Variants in COBLL1 observed in about 807,000 individuals in gnomAD.
COBLL1 encodes cordon-bleu protein-like 1.
Under a neutral mutation model 94.8 loss-of-function variants are expected in COBLL1, and 50 were observed. The ratio of observed to expected loss-of-function variants is 0.53; its 90% CI spans 0.42 to 0.67. The LOEUF (loss-of-function observed/expected upper bound fraction) is 0.67. COBLL1 is among the 30% of genes least tolerant of loss of function. The pLI, the probability that COBLL1 is intolerant of heterozygous loss-of-function variation, is 0.00. For synonymous variants in COBLL1, 448 were observed against 473.8 expected, an observed-to-expected ratio of 0.95 and a Z score of 0.71; for missense variants, 1,362 against 1,348.7, an observed-to-expected ratio of 1.01 and a Z score of -0.15.
At chr2:164,704,661 C>T (rs1396486863) in intron 8 of COBLL1, 143 bp from the exon 9 acceptor site, 2 of 693,272 alleles carry the variant, frequency 2.9e-6, no homozygotes, top group African/African-American at 1.8e-5. Context: ...ACACTAAAAT[C>T]CACTTAGACT....
At chr2:164,788,969 T>C (rs1683022702) in intron 2 of COBLL1, among the ~76,000 whole-genome samples, 1 of 151,442 alleles carries the variant, frequency 6.6e-6, no homozygotes, top group Non-Finnish European at 1.5e-5. Context: ...TTCAGAGGTA[T>C]GGTCATTCCA....
chr2:164,705,182 G>A (rs1684520540), intron 7 of COBLL1, 77 bp from the exon 8 acceptor site: 20 of 1,158,094 alleles, frequency 1.7e-5, no homozygotes, highest in Admixed American at 6.3e-5. Context: ...TGAACTTTAC[G>A]TCAAGCACAG....
At chr2:164,708,138 G>T (rs1021748350) in intron 7 of COBLL1, among the ~76,000 whole-genome samples, 2 of 152,148 alleles carry the variant, frequency 1.3e-5, no homozygotes, top group Admixed American at 6.6e-5. Flanking sequence ...GCACCAGGGA[G>T]ATTTTACCAA....
intron 2 of COBLL1, among the ~76,000 whole-genome samples, chr2:164,789,413 GCT>G (rs376964740): frequency 1.1e-4 from 16 of 152,172 alleles, no homozygotes; most frequent in African/African-American, 3.9e-4. Context: ...GTCTTACAAG[GCT>G]GATAGAATAT....
intron 2 of COBLL1, among the ~76,000 whole-genome samples, chr2:164,769,662 C>T (rs1021067305): frequency 6.6e-6 from 1 of 152,106 alleles, no homozygotes; most frequent in Non-Finnish European, 1.5e-5. Flanking sequence ...AGTTCGAGAC[C>T]AGCCTGGGCA....
chr2:164,840,292 G>T (rs1419913996), intron 2 of COBLL1, among the ~76,000 whole-genome samples: 2 of 152,006 alleles, frequency 1.3e-5, no homozygotes, highest in Non-Finnish European at 2.9e-5. Context: ...TTATGCTGGG[G>T]GGAAAAATCT....
In COBLL1 at chr2:164,722,096, C is replaced by T; in HGVS notation, c.975G>A (p.Met325Ile). 6.2e-7 allele frequency: 1 copy of T among 1,607,318 alleles called. No homozygotes were observed. The highest frequency in any genetic ancestry group is 1.7e-5 in the Admixed American group (1 of 58,962). ...ACACCTTATCTGTCTCATCCACGCT[C>T]ATGGATTTCACTATACAAGAAGCAG... ...ERPASCIVKSMSVDETDKSPC... is the reference protein window; with the variant it reads ...ERPASCIVKSISVDETDKSPC... The change falls in exon 7 of 14, where the codon ATG becomes ATA. Residue 325 changes from methionine to isoleucine, a missense_variant. Met to Ile is a conservative substitution (Grantham distance 10, BLOSUM62 1). Coordinates refer to ENST00000652658, the MANE Select transcript of COBLL1 (RefSeq NM_001365672.2).
At position 164,728,165 on chromosome 2, in the gene COBLL1, T is replaced by C. The variant is rs1204842009; in HGVS notation, c.465A>G (p.Lys155=). The C allele has an allele frequency of 1.2e-6, 2 of 1,613,420 alleles. No individual in the cohort carries two copies. Among genetic ancestry groups the C allele is most frequent in the African/African-American group, 1.3e-5 (1 of 75,026 alleles). The change falls in exon 5 of 14, where the codon AAA becomes AAG. Residue 155 remains lysine (K), a synonymous_variant. Coordinates refer to ENST00000652658, the MANE Select transcript of COBLL1 (RefSeq NM_001365672.2). ...TCACTCTCACTATGGTCTTCTGTGT[T>C]TTCTTAAAATTAATCACTACTCTCA... The part of the protein sequence containing the change: ...KTVRVVINFK[K]TQKTIVRVSP...
intron 2 of COBLL1, among the ~76,000 whole-genome samples, chr2:164,783,271 G>C (rs1214906218): frequency 6.6e-6 from 1 of 152,104 alleles, no homozygotes; most frequent in Non-Finnish European, 1.5e-5. Flanking sequence ...AAATTAACCA[G>C]GTGTGGTGAC....
intron 2 of COBLL1, among the ~76,000 whole-genome samples, chr2:164,790,333 G>A (rs928248621): frequency 3.3e-5 from 5 of 152,052 alleles, no homozygotes; most frequent in African/African-American, 9.7e-5. Context: ...TGAGCTGTTG[G>A]GTTATGCTCT....
At chr2:164,797,529 A>G (rs1409269207) in intron 2 of COBLL1, among the ~76,000 whole-genome samples, 6 of 152,188 alleles carry the variant, frequency 3.9e-5, no homozygotes, top group Admixed American at 3.9e-4. Context: ...CATTTTAATG[A>G]AAGAGCTTAG....
chr2:164,767,164 A>G (rs548919612), intron 2 of COBLL1, among the ~76,000 whole-genome samples: 2 of 152,348 alleles, frequency 1.3e-5, no homozygotes, highest in South Asian at 4.1e-4. Flanking sequence ...TCGCTTATGC[A>G]ACAATGGGCA....
chr2:164,663,329 AT>A (rs1391960719), intron 2 of COBLL1, among the ~76,000 whole-genome samples: 1 of 152,124 alleles, frequency 6.6e-6, no homozygotes, highest in Non-Finnish European at 1.5e-5. Flanking sequence ...AAATATCTTT[AT>A]TTTTTTAAAG....
chr2:164,699,529 T>C (rs1458699747), intron 10 of COBLL1, 30 bp from the exon 11 acceptor site: 2 of 1,302,262 alleles, frequency 1.5e-6, no homozygotes, highest in Admixed American at 1.7e-5. Flanking sequence ...ATGTTATATG[T>C]TGATACTATT....
Position 164,686,002 on chromosome 2 carries a change from TCA to T in COBLL1, c.3329_3330del (p.Val1110GlufsTer13). ...RVTIPSNTIS[V>X]NGRSRLSHSM... is the part of the protein sequence containing the mutation. ...GAATGGCTGAGTCTTGACCTTCCAT[TCA>T]CAGATATTGTATTTGATGGAATGGT... On this transcript the variant is annotated frameshift_variant, in exon 14 of 14. Coordinates refer to ENST00000652658, the MANE Select transcript of COBLL1 (RefSeq NM_001365672.2). LOFTEE classifies it high-confidence loss of function. 6.2e-7 allele frequency: 1 copy of T among 1,606,158 alleles called. No individual in the cohort carries two copies. Among genetic ancestry groups the T allele is most frequent in the South Asian group, 1.1e-5 (1 of 90,524 alleles).
intron 2 of COBLL1, among the ~76,000 whole-genome samples, chr2:164,778,816 G>T (rs1442782476): frequency 6.6e-6 from 1 of 152,124 alleles, no homozygotes; most frequent in Admixed American, 6.6e-5. Context: ...GTAGCACTGG[G>T]AAGAGAGGGA....
intron 9 of COBLL1, among the ~76,000 whole-genome samples, chr2:164,703,854 ACTT>A (rs1243554081): frequency 6.6e-6 from 1 of 152,190 alleles, no homozygotes; most frequent in Non-Finnish European, 1.5e-5. Flanking sequence ...TTTTTATCAT[ACTT>A]CTTAGAAAAG....
At chr2:164,745,114 C>A (rs1041848670) in intron 2 of COBLL1, among the ~76,000 whole-genome samples, 5 of 152,136 alleles carry the variant, frequency 3.3e-5, no homozygotes, top group Non-Finnish European at 7.4e-5. Flanking sequence ...AAGAACCAAA[C>A]AGGATCAAAA....
intron 11 of COBLL1, 52 bp from the exon 12 acceptor site, chr2:164,695,888 A>G (rs1017836140): frequency 2.0e-5 from 29 of 1,420,494 alleles, no homozygotes; most frequent in Middle Eastern, 5.1e-4. Flanking sequence ...AGAAAACCTC[A>G]AGTTTTTAAT....
Sources: gnomAD v4.1 joint callset for allele counts (sites outside exome capture counted in the v4.1 genomes callset) on GRCh38, gnomAD v4.1.1 for gene constraint, MANE v1.5 for transcripts, NCBI Gene and HGNC (gene_info 2026-07-23, HGNC 2026-07-21) for gene names.